The following NPAS3 variants were observed in gnomAD, a reference collection of about 807,000 sequenced individuals.
The protein encoded by NPAS3 is neuronal PAS domain protein 3.
A neutral mutation model predicts 73.1 loss-of-function variants in NPAS3; 14 were observed. The observed-to-expected ratio is 0.19, with a 90% confidence interval of 0.13 to 0.30. The LOEUF (loss-of-function observed/expected upper bound fraction) is 0.30. Among genes scored for constraint, NPAS3 ranks in the 10% least tolerant of loss-of-function variants. The pLI is 1.00. For missense variants in NPAS3, 1,096 were observed against 1,250.0 expected, an observed-to-expected ratio of 0.88 and a Z score of 1.86; for synonymous variants, 620 against 541.5, an observed-to-expected ratio of 1.14 and a Z score of -2.01.
intron 3 of NPAS3, among the ~76,000 whole-genome samples, chr14:33,355,578 G>A (rs766363750): frequency 5.7e-4 from 87 of 152,268 alleles, no homozygotes; most frequent in African/African-American, 1.4e-3. Flanking sequence ...GGTTCCAGGC[G>A]TGAGCCACTG....
intron 1 of NPAS3, among the ~76,000 whole-genome samples, chr14:33,041,167 T>C (rs1326720558): frequency 1.3e-5 from 2 of 152,210 alleles, no homozygotes; most frequent in Admixed American, 6.6e-5. Flanking sequence ...TCAAGTAATA[T>C]ATTTAAAATT....
At chr14:33,422,278 G>A (rs1175991140) in intron 4 of NPAS3, among the ~76,000 whole-genome samples, 1 of 152,056 alleles carries the variant, frequency 6.6e-6, no homozygotes, top group East Asian at 1.9e-4. Flanking sequence ...CAACTAAGAT[G>A]AGCCCAGTTC....
chr14:33,298,273 C>T (rs1004817798), intron 3 of NPAS3, among the ~76,000 whole-genome samples: 1 of 152,102 alleles, frequency 6.6e-6, no homozygotes, highest in African/African-American at 2.4e-5. Context: ...ACAGAGGGAG[C>T]CTCCATCTCA....
intron 7 of NPAS3, among the ~76,000 whole-genome samples, chr14:33,752,847 T>C (rs1186094511): frequency 6.6e-6 from 1 of 152,170 alleles, no homozygotes; most frequent in Non-Finnish European, 1.5e-5. Flanking sequence ...TTTCAATGTT[T>C]CGCGCTCAAG....
At chr14:33,269,187 T>G (rs2040959030) in intron 3 of NPAS3, among the ~76,000 whole-genome samples, 1 of 152,150 alleles carries the variant, frequency 6.6e-6, no homozygotes, top group African/African-American at 2.4e-5. Flanking sequence ...AAAATAGAAA[T>G]TTCAAAATAA....
At chr14:33,646,582 G>A (rs540733860) in intron 5 of NPAS3, among the ~76,000 whole-genome samples, 64 of 152,264 alleles carry the variant, frequency 4.2e-4, no homozygotes, top group Non-Finnish European at 8.4e-4. Context: ...AGTCCTTCAT[G>A]GCTTGGGCCT....
chr14:33,524,967 T>C (rs2053730934), intron 4 of NPAS3, among the ~76,000 whole-genome samples: 1 of 152,176 alleles, frequency 6.6e-6, no homozygotes, highest in Non-Finnish European at 1.5e-5. Flanking sequence ...ACCACTTCTA[T>C]TTCCAAATAA....
At chr14:32,942,262 C>T (rs1404912426) in intron 1 of NPAS3, among the ~76,000 whole-genome samples, 1 of 152,120 alleles carries the variant, frequency 6.6e-6, no homozygotes, top group Non-Finnish European at 1.5e-5. Flanking sequence ...CTGAAACTTA[C>T]AGAGAAAAAT....
intron 2 of NPAS3, among the ~76,000 whole-genome samples, chr14:33,099,680 A>C (rs2042526362): frequency 6.6e-6 from 1 of 152,216 alleles, no homozygotes; most frequent in Non-Finnish European, 1.5e-5. Context: ...TTGTTCAGAA[A>C]ACTAATCCAA....
intron 2 of NPAS3, among the ~76,000 whole-genome samples, chr14:33,190,113 T>C (rs1159221922): frequency 5.3e-5 from 8 of 152,214 alleles, no homozygotes; most frequent in Non-Finnish European, 1.0e-4. Context: ...TCAGTATTAT[T>C]GTAATATTAA....
At chr14:33,047,200 C>A (rs1383177012) in intron 1 of NPAS3, among the ~76,000 whole-genome samples, 1 of 152,108 alleles carries the variant, frequency 6.6e-6, no homozygotes, top group East Asian at 1.9e-4. Flanking sequence ...TACATATTAT[C>A]TTTCTATTGA....
intron 3 of NPAS3, among the ~76,000 whole-genome samples, chr14:33,333,639 G>T (rs552322629): frequency 6.6e-6 from 1 of 152,272 alleles, no homozygotes; most frequent in Admixed American, 6.5e-5. Context: ...CCTTGAGAGA[G>T]TGTGCTCATT....
chr14:33,536,618 T>A (rs1454820706), intron 4 of NPAS3, among the ~76,000 whole-genome samples: 1 of 151,794 alleles, frequency 6.6e-6, no homozygotes, highest in Non-Finnish European at 1.5e-5. Context: ...AGCTAGACTA[T>A]AATGCAAGAT....
At chr14:33,344,054 T>C (rs1594739462) in intron 3 of NPAS3, among the ~76,000 whole-genome samples, 1 of 152,308 alleles carries the variant, frequency 6.6e-6, no homozygotes, top group South Asian at 2.1e-4. Context: ...CATATTCCCA[T>C]ACTTAGAGTG....
chr14:33,403,245 C>A (rs2047521604), intron 4 of NPAS3, among the ~76,000 whole-genome samples: 1 of 151,892 alleles, frequency 6.6e-6, no homozygotes, highest in Non-Finnish European at 1.5e-5. Context: ...AGTTTGTTTG[C>A]TCACAAGAAA....
intron 1 of NPAS3, among the ~76,000 whole-genome samples, chr14:32,984,203 A>G (rs1038353649): frequency 6.6e-6 from 1 of 152,136 alleles, no homozygotes; most frequent in East Asian, 1.9e-4. Flanking sequence ...TAGTGCCTCA[A>G]TCTTATTTTG....
Position 33,528,910 on chromosome 14 carries a change from G to A in NPAS3, c.469-31211G>A, listed in dbSNP as rs117066830. ...CCTTGTGAAGGGTCCCAAAGAATCT[G>A]AGGACCTGAGCAACTCAATAATGTT... On this transcript the variant is annotated intron_variant, in intron 4 of 11. Coordinates refer to ENST00000356141, the Ensembl canonical transcript of NPAS3. Among the ~76,000 whole-genome samples the A allele has an allele frequency of 6.4e-4, 97 of 152,242 alleles. No individual in the cohort carries two copies. In the East Asian group the frequency reaches 0.01, roughly 16 times the overall value.
chr14:33,495,305 C>A (rs1339054961), intron 4 of NPAS3, among the ~76,000 whole-genome samples: 2 of 152,052 alleles, frequency 1.3e-5, no homozygotes, highest in Non-Finnish European at 2.9e-5. Context: ...GTTTCTTAAT[C>A]CTGAGTTCTA....
intron 5 of NPAS3, chr14:33,610,943 T>G (rs2057729458): frequency 6.6e-6 from 1 of 152,252 alleles, no homozygotes; most frequent in Non-Finnish European, 1.5e-5. Context: ...TCCAGTTGAC[T>G]ATCGCTGTTT....
Sources: gnomAD v4.1 joint callset for allele counts (sites outside exome capture counted in the v4.1 genomes callset) on GRCh38, gnomAD v4.1.1 for gene constraint, MANE v1.5 for transcripts, NCBI Gene and HGNC (gene_info 2026-07-23, HGNC 2026-07-21) for gene names.